ABCA12: variants seen among roughly 807,000 people sequenced by gnomAD.
The protein encoded by ABCA12 is glucosylceramide transporter ABCA12.
ABCA12 carries 156 observed loss-of-function variants against 293.5 expected under a neutral mutation model. The observed-to-expected ratio is 0.53, with a 90% CI of 0.47 to 0.61. The LOEUF is 0.61. Among genes scored for constraint, ABCA12 ranks in the 20% least tolerant of loss-of-function variants. The pLI, the probability that ABCA12 is intolerant of heterozygous loss-of-function variation, is 0.00. For missense variants in ABCA12, 2,797 were observed against 3,090.2 expected (o/e 0.91, Z 2.25); for synonymous variants, 1,063 against 1,108.0 (o/e 0.96, Z 0.81).
intron 2 of ABCA12, chr2:215,075,498 T>G (rs1217159689): frequency 2.9e-6 from 2 of 681,258 alleles, no homozygotes; most frequent in African/African-American, 1.8e-5. Flanking sequence ...ATCCTAGCTT[T>G]GCAAATGATT....
intron 9 of ABCA12, among the ~76,000 whole-genome samples, chr2:215,031,515 C>T (rs1700876770): frequency 6.6e-6 from 1 of 152,098 alleles, no homozygotes; most frequent in Admixed American, 6.6e-5. Context: ...GTGTTGACAG[C>T]CCTCCAGCTA....
At chr2:215,080,570 T>C (rs939640797) in intron 2 of ABCA12, among the ~76,000 whole-genome samples, 1 of 152,080 alleles carries the variant, frequency 6.6e-6, no homozygotes. Flanking sequence ...TAAGACACAT[T>C]CTTACTTAAA....
At chr2:214,986,947 T>C (rs575887300) in intron 27 of ABCA12, among the ~76,000 whole-genome samples, 2 of 152,172 alleles carry the variant, frequency 1.3e-5, no homozygotes, top group Non-Finnish European at 2.9e-5. Context: ...CCTTCTTTGT[T>C]GGAAAAAGCA....
intron 2 of ABCA12, among the ~76,000 whole-genome samples, chr2:215,073,751 A>G (rs971152538): frequency 1.3e-5 from 2 of 152,172 alleles, no homozygotes; most frequent in Non-Finnish European, 2.9e-5. Context: ...CTGATCACCT[A>G]GGCATCTAGG....
At chr2:215,004,057 A>AG (rs1243962266) in intron 20 of ABCA12, 152 bp downstream of exon 20, 4 of 632,300 alleles carry the variant, frequency 6.3e-6, no homozygotes, top group East Asian at 5.6e-5. Flanking sequence ...GGAAGAAGAT[A>AG]GGGGGGATAT....
intron 3 of ABCA12, among the ~76,000 whole-genome samples, chr2:215,062,450 T>C (rs1362635437): frequency 6.6e-6 from 1 of 152,012 alleles, no homozygotes; most frequent in Admixed American, 6.6e-5. Context: ...CAATGTATCA[T>C]GTCATTTCCC....
intron 5 of ABCA12, among the ~76,000 whole-genome samples, chr2:215,052,067 A>G (rs141212301): frequency 6.6e-6 from 1 of 152,110 alleles, no homozygotes; most frequent in Non-Finnish European, 1.5e-5. Context: ...CGCTAAGAAA[A>G]AGGATTTTCC....
chr2:215,066,910 C>A, intron 2 of ABCA12, among the ~76,000 whole-genome samples: 1 of 152,100 alleles, frequency 6.6e-6, no homozygotes. Flanking sequence ...TACTGTATCC[C>A]ATGTACTGTG....
chr2:214,954,161 C>A, intron 43 of ABCA12, 54 bp from the exon 44 acceptor site: 2 of 1,591,788 alleles, frequency 1.3e-6, no homozygotes, highest in South Asian at 2.2e-5. Context: ...AAAAAGCTGA[C>A]AAAAATTTAA....
intron 39 of ABCA12, among the ~76,000 whole-genome samples, chr2:214,963,605 C>CAAA (rs57895778): frequency 8.1e-4 from 57 of 70,134 alleles, no homozygotes; most frequent in African/African-American, 1.1e-3. Flanking sequence ...GCAGAGATAC[C>CAAA]AAAAAAAAAA....
Position 215,011,513 on chromosome 2 carries a change from T to C in ABCA12, c.2258A>G (p.His753Arg). 6.2e-7 allele frequency: 1 copy of C among 1,614,062 alleles called. No individual in the cohort carries two copies. Among genetic ancestry groups the C allele is most frequent in the Middle Eastern group, 1.6e-4 (1 of 6,062 alleles). The change falls in exon 17 of 53, where the codon CAC (histidine) becomes CGC (arginine). Residue 753 changes from histidine to arginine, a missense_variant. By Grantham distance (29) the His-to-Arg change is conservative. This residue lies in a region of ABCA12 where 2,130 missense variants were observed against 2,427.0 expected (regional missense o/e 0.88). Transcript: ENST00000272895. ...TTTATAAGTCAAAAAATCCTTGGTGTGGTTGCCTTTTGGCCTCTGGGAAGA... is the reference window on the plus strand; with the variant it reads ...TTTATAAGTCAAAAAATCCTTGGTGCGGTTGCCTTTTGGCCTCTGGGAAGA... ...LPSSQRPKGN[H>R]TKDFLTYKLT...
At chr2:215,021,075 T>G (rs142629586) in intron 11 of ABCA12, among the ~76,000 whole-genome samples, 1,826 of 152,340 alleles carry the variant, frequency 0.012, 40 homozygotes, top group African/African-American at 0.04. Context: ...GGTCTCACTC[T>G]TGGGCTGAAG....
At chr2:214,980,343 T>C in intron 31 of ABCA12, 140 bp downstream of exon 31, 3 of 1,230,818 alleles carry the variant, frequency 2.4e-6, no homozygotes, top group Non-Finnish European at 3.4e-6. Flanking sequence ...AGGATTTCGA[T>C]GCTCACTCAA....
At chr2:215,111,111 T>G (rs995886410) in intron 2 of ABCA12, among the ~76,000 whole-genome samples, 2 of 152,242 alleles carry the variant, frequency 1.3e-5, no homozygotes, top group Admixed American at 6.5e-5. Context: ...GAGCGCTAAT[T>G]AGATAACAAT....
intron 2 of ABCA12, among the ~76,000 whole-genome samples, chr2:215,084,627 G>A (rs1416299951): frequency 1.3e-5 from 2 of 152,228 alleles, no homozygotes; most frequent in South Asian, 2.1e-4. Context: ...GAAGCTTCTC[G>A]TAACTATTAT....
At chr2:214,933,627 G>T (rs1209651220) in intron 52 of ABCA12, among the ~76,000 whole-genome samples, 1 of 152,134 alleles carries the variant, frequency 6.6e-6, no homozygotes, top group African/African-American at 2.4e-5. Flanking sequence ...ACGTTGAACG[G>T]AAAGGATTCT....
chr2:214,949,357 AAT>A lies in ABCA12; in HGVS notation c.6853-210_6853-209del, dbSNP rs371533143. On this transcript the variant is annotated intron_variant, in intron 45 of 52. Transcript: ENST00000272895. ...GTATTCTTTTTCCTTTAACCATCTGAATATATATATATATATATATACACACA... is the reference window on the plus strand; with the variant it reads ...GTATTCTTTTTCCTTTAACCATCTGAATATATATATATATATATACACACA... 4.8e-3 allele frequency among the ~76,000 whole-genome samples: 699 copies of A among 145,202 alleles called. 3 individuals are homozygous for A. The highest frequency in any genetic ancestry group is 0.013 in the African/African-American group (502 of 39,394).
At chr2:215,128,875 T>C (rs188985542) in intron 1 of ABCA12, among the ~76,000 whole-genome samples, 4 of 152,300 alleles carry the variant, frequency 2.6e-5, no homozygotes, top group Admixed American at 2.0e-4. Context: ...AAGAGCCTTG[T>C]TTTGTCATAT....
intron 31 of ABCA12, among the ~76,000 whole-genome samples, chr2:214,980,267 C>T (rs574664792): frequency 6.6e-6 from 1 of 152,136 alleles, no homozygotes; most frequent in Non-Finnish European, 1.5e-5. Context: ...GCACTCCCAT[C>T]CCAGACCTAC....
Sources: allele counts gnomAD v4.1 joint callset (sites outside exome capture counted in the v4.1 genomes callset), GRCh38; gene constraint gnomAD v4.1.1; regional missense constraint gnomAD v4.1.1; transcripts MANE v1.5; gene names NCBI Gene and HGNC (gene_info 2026-07-23, HGNC 2026-07-21).